Variants in P2RX7 observed in about 807,000 individuals in gnomAD.
P2RX7 encodes P2X purinoceptor 7.
Under a neutral mutation model 71.6 loss-of-function variants are expected in P2RX7, and 62 were observed. That is an observed-to-expected ratio of 0.87 (90% confidence interval 0.71 to 1.07). The LOEUF is 1.07. Among genes scored for constraint, P2RX7 ranks in the 50% least tolerant of loss-of-function variants. The pLI is 0.00. For missense variants in P2RX7, 686 were observed against 748.5 expected (o/e 0.92, Z 0.97); for synonymous variants, 299 against 283.3 (o/e 1.06, Z -0.56).
intron 11 of P2RX7, among the ~76,000 whole-genome samples, chr12:121,177,647 G>T (rs1325787436): frequency 1.3e-5 from 2 of 151,990 alleles, no homozygotes; most frequent in Non-Finnish European, 2.9e-5. Context: ...GCAAGATAGA[G>T]GGAAGGCAAA....
rs141494157 is a variant in P2RX7, at chr12:121,184,583, G to C, written c.1569G>C (p.Leu523=). ...FRKLVLSRHV[L]QFLLLYQEPL... is the part of the protein sequence containing the mutation. ...AGCTGGTCCTGTCCAGACACGTCCT[G>C]CAGTTCCTCCTGCTCTACCAGGAGC... The change falls in exon 13 of 13, where the codon CTG becomes CTC. Residue 523 remains leucine (L), a synonymous_variant. Transcript: ENST00000328963. The C allele has an allele frequency of 6.2e-6, 10 of 1,614,116 alleles. No individual in the cohort carries two copies. In the African/African-American group the frequency reaches 1.2e-4, roughly 19 times the overall value.
chr12:121,165,471 T>A, intron 6 of P2RX7, 34 bp downstream of exon 6: 1 of 1,501,912 alleles, frequency 6.7e-7, no homozygotes, highest in Non-Finnish European at 9.3e-7. Flanking sequence ...GTCTTAGTTA[T>A]CTACTGCTGA....
intron 5 of P2RX7, 32 bp from the exon 6 acceptor site, chr12:121,165,323 TCA>T (rs1462790648): frequency 6.3e-7 from 1 of 1,579,008 alleles, no homozygotes; most frequent in Middle Eastern, 1.7e-4. Context: ...GTTCCCCCCG[TCA>T]CTAATGGCCA....
chr12:121,132,978 C>T lies in P2RX7; in HGVS notation c.8C>T (p.Ala3Val), dbSNP rs202072405. 7.4e-6 allele frequency: 12 copies of T among 1,613,528 alleles called. No homozygotes were observed. Among genetic ancestry groups the T allele is most frequent in the African/African-American group, 1.3e-5 (1 of 74,864 alleles). Residue 3 changes from alanine (A) to valine (V), a missense_variant, in exon 1 of 13, where the codon GCC becomes GTC. By Grantham distance (64) the Ala-to-Val change is moderately conservative (BLOSUM62 0). Coordinates refer to ENST00000328963, the MANE Select transcript of P2RX7 (RefSeq NM_002562.6). Reference protein sequence around the residue: MPACCSCSDVFQY... With the variant: MPVCCSCSDVFQY... ...GGGAGGGAGGCTGTCACCATGCCGGCCTGCTGCAGCTGCAGTGATGTTTTC... is the reference window on the plus strand; with the variant it reads ...GGGAGGGAGGCTGTCACCATGCCGGTCTGCTGCAGCTGCAGTGATGTTTTC...
At chr12:121,183,513 G>A (rs1478766432) in intron 12 of P2RX7, among the ~76,000 whole-genome samples, 1 of 150,604 alleles carries the variant, frequency 6.6e-6, no homozygotes, top group Non-Finnish European at 1.5e-5. Flanking sequence ...GGAGGTTGCA[G>A]TAAGCCAAGA....
At chr12:121,169,803 T>C (rs532560369) in intron 8 of P2RX7, among the ~76,000 whole-genome samples, 5 of 152,246 alleles carry the variant, frequency 3.3e-5, no homozygotes, top group African/African-American at 1.2e-4. Context: ...TCCCAGCTAC[T>C]CAGGAGGCTG....
intron 3 of P2RX7, among the ~76,000 whole-genome samples, chr12:121,158,913 G>T (rs1565953128): frequency 6.6e-6 from 1 of 152,166 alleles, no homozygotes; most frequent in Admixed American, 6.5e-5. Flanking sequence ...GGGCTGCAAA[G>T]ATATGACCTT....
chr12:121,179,529 C>A (rs952994340), intron 11 of P2RX7, among the ~76,000 whole-genome samples: 2 of 150,722 alleles, frequency 1.3e-5, no homozygotes, highest in African/African-American at 4.9e-5. Flanking sequence ...AAGACGATTT[C>A]TTTGTCTTTC....
chr12:121,156,663 C>A (rs1878642960), intron 3 of P2RX7, among the ~76,000 whole-genome samples: 1 of 152,162 alleles, frequency 6.6e-6, no homozygotes, highest in Non-Finnish European at 1.5e-5. Flanking sequence ...GAACTGTCTG[C>A]AGGGCTGGTC....
rs927887335 is a variant in P2RX7 at position 121,185,637 on chromosome 12, T to C, written c.*835T>C. 4 of 152,640 alleles carry C rather than the reference T, an allele frequency of 2.6e-5. No individual in the cohort carries two copies. Among genetic ancestry groups the C allele is most frequent in the African/African-American group, 9.7e-5 (4 of 41,448 alleles). 9.5% of individuals were successfully genotyped at this position (152,640 alleles called of 1,614,324 possible). ...TCCCCTTGAATATGGGTGGCTCTGA[T>C]TGCTTTATCCAAAAGTGGAAGTGAC... is the stretch of plus-strand genomic sequence containing the variant. On this transcript the variant is annotated 3_prime_UTR_variant, in exon 13 of 13. Coordinates refer to ENST00000328963, the MANE Select transcript of P2RX7 (RefSeq NM_002562.6).
chr12:121,176,080 T>C (rs1883063587), intron 9 of P2RX7, among the ~76,000 whole-genome samples: 3 of 152,172 alleles, frequency 2.0e-5, no homozygotes, highest in Admixed American at 6.6e-5. Context: ...ACAAATGTCA[T>C]TGGCTCTGAT....
intron 8 of P2RX7, among the ~76,000 whole-genome samples, chr12:121,172,891 G>C (rs908541776): frequency 2.0e-5 from 3 of 152,162 alleles, no homozygotes; most frequent in African/African-American, 4.8e-5. Flanking sequence ...CTTGTAACTA[G>C]ACGGTGAATT....
At chr12:121,156,275 CT>C in intron 3 of P2RX7, 128 bp downstream of exon 3, 2 of 729,060 alleles carry the variant, frequency 2.7e-6, no homozygotes, top group South Asian at 3.2e-5. Context: ...GCACCTGCCT[CT>C]TTTGTGGGGT....
At chr12:121,166,216 G>A (rs748449495) in intron 7 of P2RX7, 29 bp downstream of exon 7, 3 of 1,605,132 alleles carry the variant, frequency 1.9e-6, no homozygotes, top group South Asian at 1.1e-5. Flanking sequence ...ACTGGGATGT[G>A]GGGCTGTGTG....
At chr12:121,136,069 C>A (rs1592986892) in intron 1 of P2RX7, among the ~76,000 whole-genome samples, 2 of 115,704 alleles carry the variant, frequency 1.7e-5, no homozygotes, top group East Asian at 2.6e-4. Flanking sequence ...TGGGGTTTTG[C>A]CATCTCTTAT....
At chr12:121,168,605 G>A (rs757478421) in intron 8 of P2RX7, among the ~76,000 whole-genome samples, 7 of 152,138 alleles carry the variant, frequency 4.6e-5, no homozygotes, top group East Asian at 1.9e-4. Context: ...ACTCCCCGTC[G>A]CCATCCCTAA....
intron 9 of P2RX7, among the ~76,000 whole-genome samples, chr12:121,176,565 A>G (rs942531110): frequency 6.6e-6 from 1 of 152,050 alleles, no homozygotes; most frequent in African/African-American, 2.4e-5. Flanking sequence ...AGCCTGGCCA[A>G]CATGGTGAAA....
chr12:121,167,707 G>A, intron 8 of P2RX7, 83 bp downstream of exon 8: 3 of 1,217,396 alleles, frequency 2.5e-6, no homozygotes, highest in African/African-American at 1.6e-5. Context: ...GGTTTCCAAG[G>A]CAACAAGATG....
intron 2 of P2RX7, 180 bp downstream of exon 2, chr12:121,155,133 T>C (rs926854552): frequency 6.7e-7 from 1 of 1,487,186 alleles, no homozygotes; most frequent in African/African-American, 1.4e-5. Context: ...ATCCAGGAGA[T>C]GATTCTTTGC....
Sources: allele counts gnomAD v4.1 joint callset (sites outside exome capture counted in the v4.1 genomes callset), GRCh38; gene constraint gnomAD v4.1.1; transcripts MANE v1.5; gene names NCBI Gene and HGNC (gene_info 2026-07-23, HGNC 2026-07-21).